NKAIN3: variants seen among roughly 807,000 people sequenced by gnomAD.
NKAIN3 encodes the protein sodium/potassium transporting ATPase interacting 3.
NKAIN3 carries 25 observed loss-of-function variants against 30.2 expected under a neutral mutation model. The ratio of observed to expected loss-of-function variants is 0.83; its 90% CI spans 0.60 to 1.16. The LOEUF is 1.16. Among genes scored for constraint, NKAIN3 ranks in the 50% most tolerant of loss-of-function variants. NKAIN3 has a pLI of 0.00. For synonymous variants in NKAIN3, 91 were observed against 89.6 expected, an observed-to-expected ratio of 1.02 and a Z score of -0.09; for missense variants, 225 against 254.1, an observed-to-expected ratio of 0.89 and a Z score of 0.78.
intron 1 of NKAIN3, among the ~76,000 whole-genome samples, chr8:62,326,585 A>C (rs1006082971): frequency 1.1e-4 from 16 of 151,776 alleles, no homozygotes; most frequent in Non-Finnish European, 5.9e-5. Context: ...AATATGTAGA[A>C]TATAATGGGT....
chr8:62,648,409 C>T (rs766861793), intron 3 of NKAIN3, among the ~76,000 whole-genome samples: 9 of 152,108 alleles, frequency 5.9e-5, no homozygotes, highest in Non-Finnish European at 1.2e-4. Context: ...AAAAATAGTC[C>T]TATGTCTTAG....
In NKAIN3 at chr8:62,972,788, C is replaced by T. The variant is rs985080123; in HGVS notation, c.*7381C>T. Among the ~76,000 whole-genome samples, 1 of 152,140 alleles carries T rather than the reference C, an allele frequency of 6.6e-6. No homozygotes were observed. Among genetic ancestry groups the T allele is most frequent in the Non-Finnish European group, 1.5e-5 (1 of 68,020 alleles). ...TTTGCTGCACCCATCAATTCATCAT[C>T]TACATTAGGTATATCTCCTAATGTT... On this transcript the variant is annotated 3_prime_UTR_variant, in exon 7 of 7. Coordinates refer to ENST00000623646, the MANE Select transcript of NKAIN3 (RefSeq NM_001304533.3).
rs1323511609 is a variant in NKAIN3, at chr8:62,579,622, T to G, written c.138T>G (p.Val46=). Residue 46 remains valine (V), a synonymous_variant, in exon 2 of 7, where the codon GTT becomes GTG. Coordinates refer to ENST00000623646, the MANE Select transcript of NKAIN3 (RefSeq NM_001304533.3). ...TTGGAAATTTTCTACACATAATAGTTGTCATATTGGGTTTGTTTGGGACCA... is the reference window on the plus strand; with the variant it reads ...TTGGAAATTTTCTACACATAATAGTGGTCATATTGGGTTTGTTTGGGACCA... The part of the protein sequence containing the change: ...PILGNFLHII[V]VILGLFGTIQ... The G allele has an allele frequency of 6.2e-7, 1 of 1,609,044 alleles. No individual in the cohort carries two copies. The highest frequency in any genetic ancestry group is 1.7e-5 in the Admixed American group (1 of 59,832).
At chr8:62,535,781 T>A (rs1808641550) in intron 1 of NKAIN3, among the ~76,000 whole-genome samples, 1 of 152,092 alleles carries the variant, frequency 6.6e-6, no homozygotes, top group South Asian at 2.1e-4. Flanking sequence ...TATGGAAGCC[T>A]CATGACTTCA....
intron 1 of NKAIN3, among the ~76,000 whole-genome samples, chr8:62,513,712 G>A (rs1807885538): frequency 6.6e-6 from 1 of 151,574 alleles, no homozygotes; most frequent in Non-Finnish European, 1.5e-5. Flanking sequence ...TACAAAAAAA[G>A]ATACAAAAAT....
chr8:62,789,084 C>T (rs1456374242), intron 4 of NKAIN3, among the ~76,000 whole-genome samples: 1 of 151,950 alleles, frequency 6.6e-6, no homozygotes, highest in Non-Finnish European at 1.5e-5. Context: ...TCATTGGTAG[C>T]TTGATGGGGA....
At chr8:62,801,962 T>G (rs1161557867) in intron 4 of NKAIN3, among the ~76,000 whole-genome samples, 1 of 152,106 alleles carries the variant, frequency 6.6e-6, no homozygotes, top group African/African-American at 2.4e-5. Context: ...TCGAGAACTA[T>G]GTGAAGAATG....
intron 1 of NKAIN3, among the ~76,000 whole-genome samples, chr8:62,510,399 T>C (rs953450101): frequency 6.6e-6 from 1 of 152,164 alleles, no homozygotes; most frequent in Non-Finnish European, 1.5e-5. Context: ...AGGGCTAGCC[T>C]TCTCCTCTTC....
chr8:62,539,063 G>T (rs1009897789), intron 1 of NKAIN3, among the ~76,000 whole-genome samples: 1 of 152,088 alleles, frequency 6.6e-6, no homozygotes, highest in Non-Finnish European at 1.5e-5. Flanking sequence ...ATATTGGAAG[G>T]GCATCCAGTT....
At chr8:62,581,907 T>A (rs1810311146) in intron 2 of NKAIN3, among the ~76,000 whole-genome samples, 1 of 82,002 alleles carries the variant, frequency 1.2e-5, no homozygotes, top group African/African-American at 7.0e-5. Context: ...CTTCCTTCTT[T>A]CCTTCCTTCC....
At chr8:62,821,771 G>A (rs180719630) in intron 4 of NKAIN3, among the ~76,000 whole-genome samples, 85 of 152,112 alleles carry the variant, frequency 5.6e-4, no homozygotes, top group Non-Finnish European at 5.6e-4. Flanking sequence ...TGGAGGACAC[G>A]ACAGGTGGGT....
intron 1 of NKAIN3, among the ~76,000 whole-genome samples, chr8:62,496,965 G>A (rs1807262106): frequency 6.6e-6 from 1 of 152,032 alleles, no homozygotes; most frequent in Non-Finnish European, 1.5e-5. Flanking sequence ...CTTAATGAGT[G>A]TGAGCTTTAG....
chr8:62,518,554 A>C (rs1253927076), intron 1 of NKAIN3, among the ~76,000 whole-genome samples: 1 of 152,176 alleles, frequency 6.6e-6, no homozygotes, highest in Non-Finnish European at 1.5e-5. Flanking sequence ...CCCATCACTT[A>C]GTAAATGCTA....
rs1823959251 is a variant in NKAIN3 at position 62,977,103 on chromosome 8, G to T, written c.*11696G>T. ...GTAGGTAACCCAACTTTTCTCTCTGGCTGCCCTTAACATTTTTTCTTTCAG... is the reference window on the plus strand; with the variant it reads ...GTAGGTAACCCAACTTTTCTCTCTGTCTGCCCTTAACATTTTTTCTTTCAG... On this transcript the variant is annotated 3_prime_UTR_variant, in exon 7 of 7. Coordinates refer to ENST00000623646, the MANE Select transcript of NKAIN3 (RefSeq NM_001304533.3). Among the ~76,000 whole-genome samples the T allele has an allele frequency of 1.3e-5, 2 of 152,090 alleles. No homozygotes were observed. The highest frequency in any genetic ancestry group is 4.2e-4 in the South Asian group (2 of 4,818).
At chr8:62,601,094 A>G (rs911866764) in intron 3 of NKAIN3, among the ~76,000 whole-genome samples, 2 of 151,618 alleles carry the variant, frequency 1.3e-5, no homozygotes, top group African/African-American at 4.9e-5. Context: ...GCTGCTTACA[A>G]TCTATCCATT....
chr8:62,570,445 A>G (rs558336963), intron 1 of NKAIN3, among the ~76,000 whole-genome samples: 2 of 152,296 alleles, frequency 1.3e-5, no homozygotes, highest in South Asian at 2.1e-4. Flanking sequence ...AAAGAGGTTT[A>G]TTGGACTTAC....
chr8:62,424,921 A>G (rs1161312953), intron 1 of NKAIN3, among the ~76,000 whole-genome samples: 1 of 151,910 alleles, frequency 6.6e-6, no homozygotes, highest in Admixed American at 6.6e-5. Context: ...TACAGAAACT[A>G]TGATGTGTAC....
chr8:62,935,867 A>C (rs1319127899), intron 5 of NKAIN3, among the ~76,000 whole-genome samples: 1 of 152,198 alleles, frequency 6.6e-6, no homozygotes, highest in African/African-American at 2.4e-5. Context: ...TGTGAAGCTT[A>C]TCATTAGAAA....
At chr8:62,985,767 G>T (rs1436843177), downstream of NKAIN3, among the ~76,000 whole-genome samples, 1 of 151,678 alleles carries the variant, frequency 6.6e-6, no homozygotes, top group Non-Finnish European at 1.5e-5. Context: ...AAAAAAAAAG[G>T]GAGGAGCCTG....
Sources: gnomAD v4.1 joint callset for allele counts (sites outside exome capture counted in the v4.1 genomes callset) on GRCh38, gnomAD v4.1.1 for gene constraint, MANE v1.5 for transcripts, NCBI Gene and HGNC (gene_info 2026-07-23, HGNC 2026-07-21) for gene names.